The following OPTN variants were observed in gnomAD, a reference collection of about 807,000 sequenced individuals.
The protein encoded by OPTN is E3-14.7K-interacting protein.
OPTN carries 54 observed loss-of-function variants against 70.4 expected under a neutral mutation model. The observed-to-expected ratio is 0.77, with a 90% CI of 0.62 to 0.96. The LOEUF (loss-of-function observed/expected upper bound fraction) is 0.96, where lower values mean the gene tolerates loss of function less well. OPTN is among the 40% of genes least tolerant of loss of function. The pLI is 0.00. For synonymous variants in OPTN, 256 were observed against 248.5 expected (o/e 1.03, Z -0.28); for missense variants, 624 against 673.2 (o/e 0.93, Z 0.81).
At chr10:13,106,468 G>T (rs935884755) in intron 1 of OPTN, among the ~76,000 whole-genome samples, 2 of 152,180 alleles carry the variant, frequency 1.3e-5, no homozygotes, top group African/African-American at 4.8e-5. Flanking sequence ...GATACAAAAA[G>T]TTCAAAAATG....
Position 13,118,872 on chromosome 10 carries a change from C to A in OPTN, c.627-16C>A, listed in dbSNP as rs769726736. 1.2e-6 allele frequency: 2 copies of A among 1,612,862 alleles called. No individual in the cohort carries two copies. The highest frequency in any genetic ancestry group is 1.7e-6 in the Non-Finnish European group (2 of 1,178,982). ...AATTTTTCTGATGAAAACCTTTTAA[C>A]CTTTATACTGAACAGGGCATTGTCT... On this transcript the variant is annotated splice_polypyrimidine_tract_variant and intron_variant, in intron 6 of 14. Transcript: ENST00000378747.
chr10:13,127,910 C>T lies in OPTN; in HGVS notation c.1401+7C>T, dbSNP rs781364329. 4 of 1,613,978 alleles carry T rather than the reference C, an allele frequency of 2.5e-6. No homozygotes were observed. Among genetic ancestry groups the T allele is most frequent in the Non-Finnish European group, 3.4e-6 (4 of 1,180,002 alleles). Reference sequence around the variant, plus strand: ...GACCATCCTCAGGGCTCAGGTGAGGCACCTTCCAAAACCCCAGCTGAGCGA... The same window carrying T: ...GACCATCCTCAGGGCTCAGGTGAGGTACCTTCCAAAACCCCAGCTGAGCGA... On this transcript the variant is annotated splice_region_variant and intron_variant, in intron 12 of 14. Transcript: ENST00000378747.
chr10:13,136,378 C>T (rs374395300), intron 14 of OPTN, among the ~76,000 whole-genome samples: 11 of 151,364 alleles, frequency 7.3e-5, no homozygotes, highest in African/African-American at 1.9e-4. Flanking sequence ...CGTGGTGGCG[C>T]GCACCTGTGA....
intron 11 of OPTN, among the ~76,000 whole-genome samples, chr10:13,126,355 A>G (rs954076522): frequency 2.0e-5 from 3 of 147,862 alleles, no homozygotes. Flanking sequence ...ATCTCGGCTC[A>G]CTGCAAGCTC....
chr10:13,127,616 C>T (rs1459143045), intron 11 of OPTN, 129 bp from the exon 12 acceptor site: 2 of 993,634 alleles, frequency 2.0e-6, no homozygotes, highest in Non-Finnish European at 3.1e-6. Context: ...CTCAGCCTCT[C>T]AATTCTAGGC....
At chr10:13,104,383 C>T (rs1038768646) in intron 1 of OPTN, among the ~76,000 whole-genome samples, 5 of 150,186 alleles carry the variant, frequency 3.3e-5, no homozygotes, top group Non-Finnish European at 1.5e-5. Context: ...CCTCAGCTCC[C>T]GAGTAGCTGG....
chr10:13,112,264 C>T (rs1363803113), intron 4 of OPTN, among the ~76,000 whole-genome samples, 189 bp from the exon 5 acceptor site: 1 of 150,808 alleles, frequency 6.6e-6, no homozygotes, highest in East Asian at 2.0e-4. Context: ...TGTGCCACTA[C>T]ACCTGGCTAA....
intron 13 of OPTN, among the ~76,000 whole-genome samples, 153 bp from the exon 14 acceptor site, chr10:13,133,349 A>G (rs979807752): frequency 9.2e-5 from 14 of 151,992 alleles, no homozygotes; most frequent in Non-Finnish European, 1.9e-4. Flanking sequence ...CCTAGTGCCA[A>G]TAGTATTTAA....
chr10:13,114,206 C>T (rs1833072218), intron 5 of OPTN, among the ~76,000 whole-genome samples: 1 of 152,140 alleles, frequency 6.6e-6, no homozygotes, highest in African/African-American at 2.4e-5. Flanking sequence ...GAATGTCTGA[C>T]TGTCTTTGCT....
At chr10:13,122,876 C>T (rs965212583) in intron 8 of OPTN, 7 of 287,878 alleles carry the variant, frequency 2.4e-5, no homozygotes, top group African/African-American at 1.3e-4. Context: ...AGGGTTTCAC[C>T]ATGTTGGCCA....
chr10:13,110,155 C>A, intron 3 of OPTN, 119 bp from the exon 4 acceptor site: 1 of 1,544,292 alleles, frequency 6.5e-7, no homozygotes, highest in Non-Finnish European at 8.8e-7. Flanking sequence ...TGGGCCAAGG[C>A]TAAGCATGGC....
intron 6 of OPTN, 93 bp from the exon 7 acceptor site, chr10:13,118,795 T>C (rs1351086065): frequency 1.8e-6 from 2 of 1,088,872 alleles, no homozygotes; most frequent in Non-Finnish European, 2.8e-6. Context: ...TGGAAAGCAG[T>C]TCCTTTAAGC....
rs1274747596 is a variant in OPTN at position 13,137,545 on chromosome 10, C to G, written c.*679C>G. 10 of 230,426 alleles carry G rather than the reference C, an allele frequency of 4.3e-5. No individual in the cohort carries two copies. The highest frequency in any genetic ancestry group is 6.0e-5 in the Non-Finnish European group (7 of 116,452). 14.3% of individuals were successfully genotyped at this position (230,426 alleles called of 1,614,324 possible). ...AACCTCACTGATTAATTTTAAGAAC[C>G]TTTTAGGGATGCAGGAACAATGAAG... is the stretch of plus-strand genomic sequence containing the variant. On this transcript the variant is annotated 3_prime_UTR_variant, in exon 15 of 15. Transcript: ENST00000378747.
At chr10:13,131,594 T>C (rs1288553249) in intron 12 of OPTN, 1 of 155,748 alleles carries the variant, frequency 6.4e-6, no homozygotes, top group Non-Finnish European at 1.4e-5. Flanking sequence ...AGATAGTAAA[T>C]GTAAAGCACC....
chr10:13,137,072 G>A lies in OPTN; in HGVS notation c.*206G>A. ...AGGTGGGTGGATCACTTGGGGTCAG[G>A]GTTTGAGACCAGCCTGGCCAACATG... On this transcript the variant is annotated 3_prime_UTR_variant, in exon 15 of 15. Transcript: ENST00000378747. 1 of 603,584 alleles carries A rather than the reference G, an allele frequency of 1.7e-6. No homozygotes were observed. Among genetic ancestry groups the A allele is most frequent in the Non-Finnish European group, 3.0e-6 (1 of 335,854 alleles). 37.4% of individuals were successfully genotyped at this position (603,584 alleles called of 1,614,324 possible). A position where few individuals can be genotyped will look rare whatever the true frequency, so the allele number is the denominator to read the frequency against.
intron 3 of OPTN, 91 bp downstream of exon 3, chr10:13,109,379 T>A: frequency 7.6e-7 from 1 of 1,314,378 alleles, no homozygotes; most frequent in Non-Finnish European, 1.1e-6. Context: ...TGAGCTCCCT[T>A]CTCCCCGTTT....
At chr10:13,100,747 A>G (rs771686729) in intron 1 of OPTN, among the ~76,000 whole-genome samples, 1 of 152,210 alleles carries the variant, frequency 6.6e-6, no homozygotes, top group Non-Finnish European at 1.5e-5. Context: ...GAATCCACAT[A>G]GACTGCTGTG....
At chr10:13,114,490 T>A (rs1302525040) in intron 5 of OPTN, among the ~76,000 whole-genome samples, 2 of 151,762 alleles carry the variant, frequency 1.3e-5, no homozygotes, top group Non-Finnish European at 2.9e-5. Context: ...TCAGGGTGCA[T>A]GGTTAGCATC....
At chr10:13,123,901 G>T in intron 8 of OPTN, 94 bp from the exon 9 acceptor site, 1 of 824,978 alleles carries the variant, frequency 1.2e-6, no homozygotes, top group East Asian at 2.5e-5. Flanking sequence ...AGTCTTAATT[G>T]GCTACTAATG....
Sources: allele counts gnomAD v4.1 joint callset (sites outside exome capture counted in the v4.1 genomes callset), GRCh38; gene constraint gnomAD v4.1.1; transcripts MANE v1.5; gene names NCBI Gene and HGNC (gene_info 2026-07-23, HGNC 2026-07-21).